The following SMYD3 variants were observed in gnomAD, a reference collection of about 807,000 sequenced individuals.
The protein encoded by SMYD3 is SET and MYND domain containing 3, also known as histone-lysine N-methyltransferase SMYD3.
In SMYD3, 36 loss-of-function variants were observed where a neutral mutation model predicts 57.7. The ratio of observed to expected loss-of-function variants is 0.62; its 90% CI spans 0.48 to 0.82. SMYD3 has a LOEUF of 0.82. Among genes scored for constraint, SMYD3 ranks in the 40% least tolerant of loss-of-function variants. The probability of loss-of-function intolerance (pLI) is 0.00; values close to 1 mark genes in which losing one functional copy is unlikely to be tolerated. For synonymous variants in SMYD3, 211 were observed against 195.0 expected (o/e 1.08, Z -0.68); for missense variants, 515 against 538.8 (o/e 0.96, Z 0.44).
chr1:245,767,168 T>C (rs1393472149), intron 10 of SMYD3, among the ~76,000 whole-genome samples: 3 of 152,148 alleles, frequency 2.0e-5, no homozygotes, highest in African/African-American at 7.2e-5. Flanking sequence ...GGTAGTAGTC[T>C]TGACAGGACA....
At chr1:246,347,063 C>A (rs952064156) in intron 2 of SMYD3, among the ~76,000 whole-genome samples, 2 of 151,748 alleles carry the variant, frequency 1.3e-5, no homozygotes, top group Admixed American at 6.6e-5. Context: ...GCAGACTGGA[C>A]GTAGCTGGAG....
At chr1:246,117,386 A>C (rs2061356810) in intron 5 of SMYD3, among the ~76,000 whole-genome samples, 1 of 152,208 alleles carries the variant, frequency 6.6e-6, no homozygotes, top group Non-Finnish European at 1.5e-5. Context: ...CTGCTTCAAC[A>C]AAACACAGTA....
At chr1:246,429,631 T>C (rs1203846805) in intron 1 of SMYD3, among the ~76,000 whole-genome samples, 1 of 152,194 alleles carries the variant, frequency 6.6e-6, no homozygotes, top group Non-Finnish European at 1.5e-5. Flanking sequence ...GAACTTAAGA[T>C]GAAAGATATT....
At chr1:245,943,982 T>C (rs984089501) in intron 5 of SMYD3, among the ~76,000 whole-genome samples, 2 of 152,082 alleles carry the variant, frequency 1.3e-5, no homozygotes, top group African/African-American at 4.8e-5. Flanking sequence ...TGAAGGAACA[T>C]AACTCAAAAA....
At chr1:246,139,342 G>A (rs192422508) in intron 5 of SMYD3, among the ~76,000 whole-genome samples, 1 of 152,152 alleles carries the variant, frequency 6.6e-6, no homozygotes, top group South Asian at 2.1e-4. Context: ...CAGAAAAACA[G>A]AACTTGGTTG....
intron 5 of SMYD3, among the ~76,000 whole-genome samples, chr1:245,964,430 G>A (rs1198727075): frequency 6.6e-6 from 1 of 152,166 alleles, no homozygotes; most frequent in Non-Finnish European, 1.5e-5. Context: ...CATGACATCC[G>A]TCTTTCAGCA....
Position 245,749,441 on chromosome 1 carries a change from C to T in SMYD3, c.*122G>A. ...AACCATGTCTGCCTTTATTTACCTACACAAACACGGAACAGAATTTCCAAT... is the reference window on the plus strand; with the variant it reads ...AACCATGTCTGCCTTTATTTACCTATACAAACACGGAACAGAATTTCCAAT... On this transcript the variant is annotated 3_prime_UTR_variant, in exon 12 of 12. Transcript: ENST00000490107. 2.8e-6 allele frequency: 2 copies of T among 706,374 alleles called. No individual in the cohort carries two copies. Among genetic ancestry groups the T allele is most frequent in the East Asian group, 2.7e-5 (1 of 37,198 alleles). The allele number at this position is 706,374 out of a possible 1,614,324, so 43.8% of individuals were successfully genotyped here.
chr1:246,208,684 T>C (rs1437878107), intron 5 of SMYD3, among the ~76,000 whole-genome samples: 8 of 152,156 alleles, frequency 5.3e-5, no homozygotes, highest in Admixed American at 5.2e-4. Flanking sequence ...GCATGTCCTC[T>C]CGTGGACGGT....
intron 7 of SMYD3, among the ~76,000 whole-genome samples, chr1:245,926,309 G>A (rs1333438587): frequency 1.3e-5 from 2 of 152,158 alleles, no homozygotes; most frequent in Non-Finnish European, 2.9e-5. Context: ...GAGACACAGT[G>A]GACAGAAACG....
intron 1 of SMYD3, among the ~76,000 whole-genome samples, chr1:246,411,794 G>A (rs1425800175): frequency 1.4e-5 from 2 of 143,344 alleles, no homozygotes; most frequent in Non-Finnish European, 3.0e-5. Flanking sequence ...ATGGACACAG[G>A]AAGGGGAACA....
rs542212943 is a variant in SMYD3 at position 246,389,693 on chromosome 1, G to T, written c.165-34599C>A. Reference sequence around the variant, plus strand: ...CTCAAGGTTGAAGTCAGTTTCTGGGGACCTCCTTGTAGAAAGCATTCATTC... The same window carrying T: ...CTCAAGGTTGAAGTCAGTTTCTGGGTACCTCCTTGTAGAAAGCATTCATTC... On this transcript the variant is annotated intron_variant, in intron 1 of 11. Coordinates refer to ENST00000490107, the MANE Select transcript of SMYD3 (RefSeq NM_001167740.2). 3.6e-3 allele frequency among the ~76,000 whole-genome samples: 214 copies of T among 58,636 alleles called. 17 individuals are homozygous for T. The highest frequency in any genetic ancestry group is 0.011 in the African/African-American group (200 of 18,630). The allele number at this position is 58,636 out of a possible 152,430, so 38.5% of individuals were successfully genotyped here. A position where few individuals can be genotyped will look rare whatever the true frequency, so the allele number is the denominator to read the frequency against.
chr1:245,798,992 C>T (rs1298506334), intron 10 of SMYD3, among the ~76,000 whole-genome samples: 2 of 152,186 alleles, frequency 1.3e-5, no homozygotes, highest in Non-Finnish European at 2.9e-5. Flanking sequence ...ATCCATCCAA[C>T]AGGCACTCTT....
intron 1 of SMYD3, among the ~76,000 whole-genome samples, chr1:246,390,833 G>T (rs541007226): frequency 1.2e-4 from 18 of 152,048 alleles, no homozygotes; most frequent in Non-Finnish European, 2.2e-4. Flanking sequence ...ACTGCAGTGG[G>T]CAGTACAGCA....
intron 8 of SMYD3, among the ~76,000 whole-genome samples, chr1:245,914,531 T>C: frequency 6.6e-6 from 1 of 152,108 alleles, no homozygotes; most frequent in East Asian, 1.9e-4. Context: ...AAAGATAAAA[T>C]ACTCCGTGTT....
At chr1:246,337,640 T>C (rs532885641) in intron 2 of SMYD3, among the ~76,000 whole-genome samples, 5 of 152,324 alleles carry the variant, frequency 3.3e-5, no homozygotes, top group Admixed American at 3.3e-4. Context: ...GAAAGTACCT[T>C]AGGCTCTGTT....
At chr1:246,416,723 T>G (rs2067067680) in intron 1 of SMYD3, among the ~76,000 whole-genome samples, 1 of 151,966 alleles carries the variant, frequency 6.6e-6, no homozygotes, top group Non-Finnish European at 1.5e-5. Flanking sequence ...TGCTTTCATA[T>G]GCTGGGCACT....
At chr1:246,406,530 G>T (rs1287049601) in intron 1 of SMYD3, among the ~76,000 whole-genome samples, 5 of 152,124 alleles carry the variant, frequency 3.3e-5, no homozygotes, top group Non-Finnish European at 7.4e-5. Flanking sequence ...TAAAAAGCTT[G>T]TCCTTGCCTT....
At chr1:246,081,165 G>C (rs767130371) in intron 5 of SMYD3, among the ~76,000 whole-genome samples, 4 of 152,160 alleles carry the variant, frequency 2.6e-5, no homozygotes, top group Non-Finnish European at 4.4e-5. Flanking sequence ...TTCGCTCTGG[G>C]AAGAGTGTGG....
rs1558487422 is a variant in SMYD3 at position 246,487,294 on chromosome 1, A to G, written c.164+19760T>C. 1.4e-4 allele frequency among the ~76,000 whole-genome samples: 22 copies of G among 152,208 alleles called. No individual in the cohort carries two copies. In the South Asian group the frequency reaches 4.6e-3, roughly 32 times the overall value. On this transcript the variant is annotated intron_variant, in intron 1 of 11. Coordinates refer to ENST00000490107, the MANE Select transcript of SMYD3 (RefSeq NM_001167740.2). ...AAACCCCATCTCTACTTAAAATACA[A>G]AAATTAGCCAGGCATGGTGGTGCGC...
Sources: allele counts gnomAD v4.1 joint callset (sites outside exome capture counted in the v4.1 genomes callset), GRCh38; gene constraint gnomAD v4.1.1; transcripts MANE v1.5; gene names NCBI Gene and HGNC (gene_info 2026-07-23, HGNC 2026-07-21).